The following LRMDA variants were observed in gnomAD, a reference collection of about 807,000 sequenced individuals.
LRMDA encodes leucine-rich melanocyte differentiation-associated protein.
In LRMDA, 18 loss-of-function variants were observed where a neutral mutation model predicts 29.8. That is an observed-to-expected ratio of 0.60 (90% confidence interval 0.42 to 0.90). The LOEUF is 0.90. Ranked by LOEUF, LRMDA falls within the 40% of genes least tolerant of loss-of-function variation. The pLI is 0.00. For missense variants in LRMDA, 273 were observed against 273.9 expected, an observed-to-expected ratio of 1.00 and a Z score of 0.02; for synonymous variants, 125 against 109.4, an observed-to-expected ratio of 1.14 and a Z score of -0.89.
At chr10:76,378,932 C>T (rs1301793278) in intron 6 of LRMDA, among the ~76,000 whole-genome samples, 4 of 144,986 alleles carry the variant, frequency 2.8e-5, no homozygotes, top group Non-Finnish European at 6.0e-5. Flanking sequence ...TTTTGGCTCA[C>T]TGCAACCTCT....
chr10:76,446,104 T>C (rs1842351809), intron 6 of LRMDA, among the ~76,000 whole-genome samples: 1 of 152,218 alleles, frequency 6.6e-6, no homozygotes, highest in Admixed American at 6.5e-5. Flanking sequence ...ATTGTTTTAG[T>C]ACTTTTAAAA....
chr10:75,599,198 A>G (rs1215100585), intron 2 of LRMDA, among the ~76,000 whole-genome samples: 4 of 152,180 alleles, frequency 2.6e-5, no homozygotes, highest in African/African-American at 7.2e-5. Context: ...TCCTGGCGCT[A>G]CAGAGTTTGT....
At chr10:75,933,378 C>T (rs537941990) in intron 2 of LRMDA, among the ~76,000 whole-genome samples, 1 of 152,266 alleles carries the variant, frequency 6.6e-6, no homozygotes, top group Admixed American at 6.5e-5. Context: ...CATCCCTACA[C>T]CTATGTTTGG....
At chr10:75,796,765 G>T (rs1299718985) in intron 2 of LRMDA, among the ~76,000 whole-genome samples, 3 of 152,178 alleles carry the variant, frequency 2.0e-5, no homozygotes, top group Non-Finnish European at 4.4e-5. Flanking sequence ...TAGAGATGGG[G>T]TTTCGCCATG....
At chr10:75,883,992 AAGG>A (rs948542837) in intron 2 of LRMDA, among the ~76,000 whole-genome samples, 2 of 151,956 alleles carry the variant, frequency 1.3e-5, no homozygotes, top group Non-Finnish European at 2.9e-5. Flanking sequence ...TCGGAGGCAT[AAGG>A]AGGGGTTTTG....
At chr10:75,818,338 C>T (rs980132805) in intron 2 of LRMDA, among the ~76,000 whole-genome samples, 4 of 152,114 alleles carry the variant, frequency 2.6e-5, no homozygotes, top group African/African-American at 9.7e-5. Context: ...AAAGATAAAT[C>T]ATAACTGTCA....
intron 2 of LRMDA, among the ~76,000 whole-genome samples, chr10:75,813,093 G>C (rs1248965866): frequency 6.6e-6 from 1 of 152,188 alleles, no homozygotes; most frequent in East Asian, 1.9e-4. Flanking sequence ...CAGCAGACAA[G>C]TGAGGGATCA....
intron 2 of LRMDA, among the ~76,000 whole-genome samples, chr10:75,563,265 T>C (rs1840323727): frequency 6.6e-6 from 1 of 152,116 alleles, no homozygotes; most frequent in Non-Finnish European, 1.5e-5. Flanking sequence ...CCCTTCTCGC[T>C]TCATTTCATT....
intron 2 of LRMDA, among the ~76,000 whole-genome samples, chr10:75,560,423 G>T (rs1395558204): frequency 8.7e-5 from 13 of 149,566 alleles, no homozygotes; most frequent in Non-Finnish European, 1.5e-4. Context: ...TCAGCTTAAG[G>T]AGATTTTGGG....
At chr10:75,558,655 A>G (rs796519402) in intron 2 of LRMDA, among the ~76,000 whole-genome samples, 7 of 149,296 alleles carry the variant, frequency 4.7e-5, no homozygotes, top group South Asian at 2.2e-4. Context: ...AGCATTAGGT[A>G]TATCTCCTAA....
chr10:76,047,247 CT>C lies in LRMDA; in HGVS notation c.343del (p.Cys115ValfsTer29). 1 of 1,614,038 alleles carries C rather than the reference CT, an allele frequency of 6.2e-7. No homozygotes were observed. The highest frequency in any genetic ancestry group is 8.5e-7 in the Non-Finnish European group (1 of 1,179,968). On this transcript the variant is annotated frameshift_variant, in exon 4 of 7. Transcript: ENST00000611255. LOFTEE classifies it high-confidence loss of function. ...EYLSLLGNVACPNELVSLEKD... is the reference protein window; with the variant it reads ...EYLSLLGNVAXPNELVSLEKD... ...ACCTCAGTCTGCTGGGCAACGTGGC[CT>C]GTCCCAACGAGCTGGTCAGCTTGGA...
At chr10:76,012,180 G>C (rs1283956948) in intron 2 of LRMDA, among the ~76,000 whole-genome samples, 1 of 152,182 alleles carries the variant, frequency 6.6e-6, no homozygotes, top group Non-Finnish European at 1.5e-5. Context: ...TCTGTTTACC[G>C]GTTGTTCAAG....
intron 2 of LRMDA, among the ~76,000 whole-genome samples, chr10:75,562,841 T>A (rs1053768649): frequency 8.3e-4 from 126 of 152,230 alleles, no homozygotes; most frequent in African/African-American, 1.6e-3. Flanking sequence ...TTTCTTTAAG[T>A]ATGTTGAATA....
chr10:76,009,274 G>A (rs1384121324), intron 2 of LRMDA, among the ~76,000 whole-genome samples: 16 of 152,090 alleles, frequency 1.1e-4, no homozygotes, highest in Admixed American at 1.0e-3. Flanking sequence ...TCCCAGTTCT[G>A]TGTTTTTCTC....
chr10:76,257,618 G>T (rs544140166), intron 5 of LRMDA, among the ~76,000 whole-genome samples: 6 of 152,128 alleles, frequency 3.9e-5, no homozygotes, highest in Non-Finnish European at 7.4e-5. Flanking sequence ...ACAGGTGTGA[G>T]CCACGGCACC....
intron 2 of LRMDA, among the ~76,000 whole-genome samples, chr10:75,756,902 T>A (rs1843038972): frequency 6.6e-6 from 1 of 152,252 alleles, no homozygotes; most frequent in African/African-American, 2.4e-5. Context: ...AATCACTTTC[T>A]CAATCATTTA....
At chr10:76,105,425 G>A (rs986509547) in intron 5 of LRMDA, among the ~76,000 whole-genome samples, 2 of 151,932 alleles carry the variant, frequency 1.3e-5, no homozygotes, top group South Asian at 2.1e-4. Flanking sequence ...TGGGGGGTGG[G>A]GGGGAAGAGT....
intron 1 of LRMDA, among the ~76,000 whole-genome samples, chr10:75,434,017 T>G (rs986471142): frequency 1.3e-5 from 2 of 152,230 alleles, no homozygotes; most frequent in Admixed American, 1.3e-4. Context: ...TGCTTTTCTC[T>G]GCAAAAGGCT....
At chr10:75,839,270 G>T (rs577339987) in intron 2 of LRMDA, among the ~76,000 whole-genome samples, 13 of 152,338 alleles carry the variant, frequency 8.5e-5, no homozygotes, top group African/African-American at 2.4e-4. Context: ...AGCATGCTGA[G>T]AAGAGAGTGG....
Sources: gnomAD v4.1 joint callset for allele counts (sites outside exome capture counted in the v4.1 genomes callset) on GRCh38, gnomAD v4.1.1 for gene constraint, MANE v1.5 for transcripts, NCBI Gene and HGNC (gene_info 2026-07-23, HGNC 2026-07-21) for gene names.